The following SEMA3C variants were observed in gnomAD, a reference collection of about 807,000 sequenced individuals.
The protein encoded by SEMA3C is semaphorin-3C.
A neutral mutation model predicts 89.4 loss-of-function variants in SEMA3C; 47 were observed. That is an observed-to-expected ratio of 0.53 (90% CI 0.42 to 0.67). The LOEUF is 0.67. SEMA3C is among the 30% of genes least tolerant of loss of function. The pLI, the probability that SEMA3C is intolerant of heterozygous loss-of-function variation, is 0.00. For missense variants in SEMA3C, 839 were observed against 929.1 expected (o/e 0.90, Z 1.26); for synonymous variants, 310 against 320.2 (o/e 0.97, Z 0.34).
chr7:80,819,156 CA>C (rs1161678580), intron 4 of SEMA3C, among the ~76,000 whole-genome samples: 1 of 151,820 alleles, frequency 6.6e-6, no homozygotes, highest in Non-Finnish European at 1.5e-5. Context: ...TATTATTTGG[CA>C]ATACTTTGCT....
At chr7:80,819,135 A>T (rs1789684053) in intron 4 of SEMA3C, among the ~76,000 whole-genome samples, 1 of 152,004 alleles carries the variant, frequency 6.6e-6, no homozygotes, top group South Asian at 2.1e-4. Flanking sequence ...ATTTATACAT[A>T]TCAATGCAAA....
At chr7:80,909,767 G>C (rs1314012899) in intron 2 of SEMA3C, among the ~76,000 whole-genome samples, 1 of 152,048 alleles carries the variant, frequency 6.6e-6, no homozygotes, top group Non-Finnish European at 1.5e-5. Context: ...GGAAAGACAA[G>C]ACTAGTATGT....
intron 15 of SEMA3C, among the ~76,000 whole-genome samples, chr7:80,756,492 T>C (rs905718118): frequency 9.9e-5 from 15 of 152,172 alleles, no homozygotes; most frequent in African/African-American, 2.4e-5. Context: ...CAACCAGTTA[T>C]CTTTTGAAAC....
In SEMA3C at chr7:80,828,607, T is replaced by C. The variant is rs980241188; in HGVS notation, c.242A>G (p.Asn81Ser). The C allele has an allele frequency of 4.4e-6, 7 of 1,608,842 alleles. No individual in the cohort carries two copies. Among genetic ancestry groups the C allele is most frequent in the Admixed American group, 1.7e-5 (1 of 59,900 alleles). ...TACACTCAAAGCTTCTTGACTTATA[T>C]TGTTAATATTCAGGGAAAGAATGTG... ...KDHILSLNIN[N>S]ISQEALSVFW... The change falls in exon 3 of 18, where the codon AAT (asparagine) becomes AGT (serine). Residue 81 changes from asparagine (N) to serine (S), a missense_variant. Asn to Ser is a conservative substitution (Grantham distance 46). Coordinates refer to ENST00000265361, the MANE Select transcript of SEMA3C (RefSeq NM_006379.5).
intron 2 of SEMA3C, among the ~76,000 whole-genome samples, chr7:80,874,445 A>AACTTATTTATTT (rs1791148998): frequency 1.1e-5 from 1 of 87,976 alleles, no homozygotes; most frequent in Non-Finnish European, 2.5e-5. Flanking sequence ...AGACCATAGC[A>AACTTATTTATTT]AGTTATTTAT....
chr7:80,761,563 A>G, intron 14 of SEMA3C, 53 bp downstream of exon 14: 1 of 981,344 alleles, frequency 1.0e-6, no homozygotes, highest in South Asian at 1.5e-5. Flanking sequence ...ATAATTTTTC[A>G]TAACAACAAA....
At chr7:80,819,436 AAC>A (rs1336333686) in intron 4 of SEMA3C, among the ~76,000 whole-genome samples, 1 of 152,188 alleles carries the variant, frequency 6.6e-6, no homozygotes, top group Non-Finnish European at 1.5e-5. Flanking sequence ...TAAAACATTG[AAC>A]ACACACACAT....
intron 12 of SEMA3C, 32 bp from the exon 13 acceptor site, chr7:80,765,275 C>T (rs189430395): frequency 6.7e-7 from 1 of 1,498,890 alleles, no homozygotes; most frequent in East Asian, 2.3e-5. Context: ...TGAGATGTTA[C>T]AATACTTTTT....
At chr7:80,798,258 G>T in intron 10 of SEMA3C, 22 bp from the exon 11 acceptor site, 1 of 1,394,238 alleles carries the variant, frequency 7.2e-7, no homozygotes, top group Non-Finnish European at 9.4e-7. Context: ...AACAGAAAAA[G>T]GCATTTTCAA....
chr7:80,891,986 C>T (rs572990768), intron 2 of SEMA3C, among the ~76,000 whole-genome samples: 1 of 152,188 alleles, frequency 6.6e-6, no homozygotes, highest in South Asian at 2.1e-4. Flanking sequence ...TACCCATACG[C>T]TTAGGATACT....
chr7:80,771,688 T>C (rs1245343043), intron 12 of SEMA3C, among the ~76,000 whole-genome samples: 1 of 152,140 alleles, frequency 6.6e-6, no homozygotes, highest in Non-Finnish European at 1.5e-5. Context: ...TAAACAGTCC[T>C]AAGGGGGTTT....
At chr7:80,882,218 A>G (rs1012591952) in intron 2 of SEMA3C, among the ~76,000 whole-genome samples, 2 of 151,932 alleles carry the variant, frequency 1.3e-5, no homozygotes, top group African/African-American at 4.8e-5. Context: ...TCAGACCACT[A>G]AAATGCCTCC....
intron 10 of SEMA3C, among the ~76,000 whole-genome samples, chr7:80,798,507 G>C (rs1326298639): frequency 6.6e-6 from 1 of 152,012 alleles, no homozygotes; most frequent in Non-Finnish European, 1.5e-5. Flanking sequence ...ACTCAAAAAA[G>C]TTTCTAACTA....
chr7:80,853,238 C>A (rs1790558677), intron 2 of SEMA3C, among the ~76,000 whole-genome samples: 2 of 152,056 alleles, frequency 1.3e-5, no homozygotes. Context: ...AATAGAACAA[C>A]CGTAAGATCC....
At chr7:80,883,584 A>G (rs1791403676) in intron 2 of SEMA3C, among the ~76,000 whole-genome samples, 1 of 152,208 alleles carries the variant, frequency 6.6e-6, no homozygotes, top group Non-Finnish European at 1.5e-5. Context: ...ACTCAGACAT[A>G]AGGTCACCAC....
chr7:80,761,841 T>C (rs1439871320), intron 13 of SEMA3C, among the ~76,000 whole-genome samples, 184 bp from the exon 14 acceptor site: 1 of 152,056 alleles, frequency 6.6e-6, no homozygotes, highest in Admixed American at 6.6e-5. Context: ...ACTTCCTCTT[T>C]AGAAACTAAG....
chr7:80,804,566 G>A (rs913170308), intron 7 of SEMA3C, among the ~76,000 whole-genome samples: 10 of 152,060 alleles, frequency 6.6e-5, no homozygotes, highest in Non-Finnish European at 1.5e-4. Context: ...ATTTTTCAAA[G>A]TATGTTTTTC....
At chr7:80,750,734 TGGAGG>T (rs969900737) in intron 16 of SEMA3C, among the ~76,000 whole-genome samples, 1 of 151,798 alleles carries the variant, frequency 6.6e-6, no homozygotes, top group African/African-American at 2.4e-5. Context: ...TTCTAAGGGC[TGGAGG>T]GAAGAGGTAA....
chr7:80,881,340 AT>A (rs1330462771), intron 2 of SEMA3C, among the ~76,000 whole-genome samples: 2 of 152,166 alleles, frequency 1.3e-5, no homozygotes, highest in African/African-American at 4.8e-5. Context: ...TCATTTTCAT[AT>A]ACCTGAAAAT....
Sources: gnomAD v4.1 joint callset for allele counts (sites outside exome capture counted in the v4.1 genomes callset) on GRCh38, gnomAD v4.1.1 for gene constraint, MANE v1.5 for transcripts, NCBI Gene and HGNC (gene_info 2026-07-23, HGNC 2026-07-21) for gene names.